The following NAV3 variants were observed in gnomAD, a reference collection of about 807,000 sequenced individuals.
The protein encoded by NAV3 is pore membrane and/or filament interacting like protein 1.
In NAV3, 87 loss-of-function variants were observed where a neutral mutation model predicts 244.7. The ratio of observed to expected loss-of-function variants is 0.36; its 90% CI spans 0.30 to 0.42. The LOEUF (loss-of-function observed/expected upper bound fraction) is 0.42, where lower values mean the gene tolerates loss of function less well. Ranked by LOEUF, NAV3 falls within the 20% of genes least tolerant of loss-of-function variation. NAV3 has a pLI of 1.00. For missense variants in NAV3, 2,663 were observed against 2,893.3 expected (o/e 0.92, Z 1.83); for synonymous variants, 1,126 against 1,042.2 (o/e 1.08, Z -1.55).
intron 2 of NAV3, among the ~76,000 whole-genome samples, chr12:77,709,622 G>A (rs193212426): frequency 3.3e-5 from 5 of 151,982 alleles, no homozygotes; most frequent in Admixed American, 2.0e-4. Context: ...ACAAAATGAC[G>A]AGTTAAGTAT....
At chr12:77,799,103 C>T (rs560138225) in intron 2 of NAV3, among the ~76,000 whole-genome samples, 20 of 152,304 alleles carry the variant, frequency 1.3e-4, no homozygotes, top group African/African-American at 4.8e-4. Flanking sequence ...TATCTTGAAC[C>T]TGAGCCGCAA....
intron 5 of NAV3, among the ~76,000 whole-genome samples, chr12:77,977,938 ACGTAAAAAATG>A (rs1868822342): frequency 7.1e-3 from 3 of 422 alleles, no homozygotes; most frequent in African/African-American, 0.015. Flanking sequence ...TATGCCAGTT[ACGTAAAAAATG>A]CCTTTTTTAC....
chr12:78,043,694 C>T (rs1236067069), intron 9 of NAV3, among the ~76,000 whole-genome samples: 1 of 152,120 alleles, frequency 6.6e-6, no homozygotes, highest in Admixed American at 6.5e-5. Flanking sequence ...GGATGATGAG[C>T]TTTCTTTCAT....
chr12:78,120,091 G>C (rs1395143445), intron 15 of NAV3, 146 bp downstream of exon 15: 1 of 440,636 alleles, frequency 2.3e-6, no homozygotes, highest in African/African-American at 2.1e-5. Context: ...TACACAGTGA[G>C]CTCTATGAAG....
chr12:78,141,273 A>AT (rs5799374), intron 20 of NAV3, among the ~76,000 whole-genome samples: 50,910 of 151,996 alleles, frequency 0.33, 8,812 homozygotes, highest in East Asian at 0.48. Flanking sequence ...ATTTTTGACA[A>AT]GGAGAGTTTT....
intron 1 of NAV3, among the ~76,000 whole-genome samples, chr12:77,906,577 C>T (rs1044840572): frequency 9.2e-5 from 14 of 151,856 alleles, no homozygotes; most frequent in African/African-American, 1.9e-4. Context: ...AAATAATGTC[C>T]AGGTATTTTA....
At chr12:77,867,679 C>T (rs1880291240) in intron 1 of NAV3, among the ~76,000 whole-genome samples, 1 of 152,180 alleles carries the variant, frequency 6.6e-6, no homozygotes, top group African/African-American at 2.4e-5. Context: ...CTCGGCCTCC[C>T]AAAGTGCTGG....
At chr12:77,654,605 G>A (rs923486812) in intron 2 of NAV3, among the ~76,000 whole-genome samples, 3 of 152,128 alleles carry the variant, frequency 2.0e-5, no homozygotes, top group African/African-American at 7.2e-5. Flanking sequence ...GAGAGCAGTG[G>A]TTCTCCCAGC....
At chr12:77,860,960 G>A (rs1189910918) in intron 1 of NAV3, among the ~76,000 whole-genome samples, 2 of 151,900 alleles carry the variant, frequency 1.3e-5, no homozygotes, top group Admixed American at 6.6e-5. Flanking sequence ...TTCATATGGT[G>A]TATGTCTGTC....
At chr12:77,741,854 A>G (rs938437131) in intron 2 of NAV3, among the ~76,000 whole-genome samples, 1 of 152,102 alleles carries the variant, frequency 6.6e-6, no homozygotes, top group African/African-American at 2.4e-5. Context: ...TTTTGGCATT[A>G]ATTGATGCTT....
chr12:78,031,876 AAAGTAT>A (rs1307276344), intron 9 of NAV3, among the ~76,000 whole-genome samples: 1 of 151,682 alleles, frequency 6.6e-6, no homozygotes, highest in Non-Finnish European at 1.5e-5. Flanking sequence ...CCTAAAACTT[AAAGTAT>A]AATAAAAAAA....
In NAV3 at chr12:77,772,214, C is replaced by A. The variant is rs561539839; in HGVS notation, c.73-168105C>A. ...GACAACGCTAGTATTCAAACTTAGA[C>A]CTGGCTGATTTCTATGGCACACTGA... is the stretch of plus-strand genomic sequence containing the variant. On this transcript the variant is annotated intron_variant, in intron 2 of 8. Coordinates refer to the NAV3 transcript ENST00000550042. 5.9e-5 allele frequency among the ~76,000 whole-genome samples: 9 copies of A among 152,214 alleles called. 1 individual carries two copies. In the South Asian group the frequency reaches 1.9e-3, roughly 32 times the overall value.
At chr12:77,855,188 C>T (rs1210279164) in intron 1 of NAV3, among the ~76,000 whole-genome samples, 2 of 152,086 alleles carry the variant, frequency 1.3e-5, no homozygotes, top group Non-Finnish European at 2.9e-5. Flanking sequence ...CTAAAGAATT[C>T]AGGTGGAGAA....
intron 2 of NAV3, among the ~76,000 whole-genome samples, chr12:77,798,961 A>G (rs1019242864): frequency 5.3e-5 from 8 of 152,146 alleles, no homozygotes; most frequent in African/African-American, 1.7e-4. Flanking sequence ...CTTGGCTGGG[A>G]TGGCTTTTCT....
At chr12:77,847,828 T>C (rs890666431) in intron 1 of NAV3, among the ~76,000 whole-genome samples, 1 of 152,218 alleles carries the variant, frequency 6.6e-6, no homozygotes, top group Non-Finnish European at 1.5e-5. Context: ...TTCCCATATA[T>C]AGCACTCTAT....
intron 2 of NAV3, among the ~76,000 whole-genome samples, chr12:77,750,481 C>T (rs12146778): frequency 6.6e-6 from 1 of 151,510 alleles, no homozygotes; most frequent in Non-Finnish European, 1.5e-5. Flanking sequence ...GCAGTGCGCT[C>T]TAATCATGCC....
At chr12:78,140,986 G>T (rs763387032) in intron 20 of NAV3, among the ~76,000 whole-genome samples, 3 of 151,738 alleles carry the variant, frequency 2.0e-5, no homozygotes, top group Non-Finnish European at 4.4e-5. Context: ...TGAACTCCTG[G>T]GCTCAAGTTA....
chr12:77,627,337 C>T (rs1448583884), intron 2 of NAV3, among the ~76,000 whole-genome samples: 1 of 151,970 alleles, frequency 6.6e-6, no homozygotes, highest in Non-Finnish European at 1.5e-5. Context: ...AATCATTAAA[C>T]AAAATACTTT....
chr12:78,129,896 C>T (rs2611269), intron 18 of NAV3, among the ~76,000 whole-genome samples: 93,241 of 151,974 alleles, frequency 0.61, 28,888 homozygotes, highest in Admixed American at 0.64. Context: ...GAAAGTACTC[C>T]TTTGACATTA....
Sources: allele counts gnomAD v4.1 joint callset (sites outside exome capture counted in the v4.1 genomes callset), GRCh38; gene constraint gnomAD v4.1.1; transcripts MANE v1.5; gene names NCBI Gene and HGNC (gene_info 2026-07-23, HGNC 2026-07-21).